The following ADAMTS18 variants were observed in gnomAD, a reference collection of about 807,000 sequenced individuals.
ADAMTS18 encodes ADAM metallopeptidase with thrombospondin type 1 motif 18, also known as A disintegrin and metalloproteinase with thrombospondin motifs 18.
Under a neutral mutation model 165.9 loss-of-function variants are expected in ADAMTS18, and 157 were observed. The ratio of observed to expected loss-of-function variants is 0.95; its 90% CI spans 0.83 to 1.08. The LOEUF is 1.08. Ranked by LOEUF, ADAMTS18 falls within the 50% of genes least tolerant of loss-of-function variation. The pLI is 0.00. For missense variants in ADAMTS18, 2,040 were observed against 1,534.0 expected, an observed-to-expected ratio of 1.33 and a Z score of -5.51; for synonymous variants, 782 against 578.2, an observed-to-expected ratio of 1.35 and a Z score of -5.06.
chr16:77,383,980 T>G (rs919214259), intron 3 of ADAMTS18, among the ~76,000 whole-genome samples: 1 of 152,096 alleles, frequency 6.6e-6, no homozygotes, highest in African/African-American at 2.4e-5. Flanking sequence ...CATAACAGCC[T>G]TTATCATGAC....
intron 3 of ADAMTS18, among the ~76,000 whole-genome samples, chr16:77,385,818 T>C (rs907642026): frequency 6.6e-6 from 1 of 152,168 alleles, no homozygotes; most frequent in African/African-American, 2.4e-5. Context: ...CAATTTTTTC[T>C]CAGTTATTTA....
chr16:77,428,116 T>C (rs1399102510), intron 3 of ADAMTS18, among the ~76,000 whole-genome samples: 1 of 152,264 alleles, frequency 6.6e-6, no homozygotes, highest in East Asian at 1.9e-4. Flanking sequence ...CTAAGGCCAG[T>C]GGTCTGGCCC....
intron 21 of ADAMTS18, among the ~76,000 whole-genome samples, chr16:77,290,125 C>G (rs1419543435): frequency 1.3e-5 from 2 of 152,048 alleles, no homozygotes; most frequent in African/African-American, 4.8e-5. Context: ...ACTGTAGTTT[C>G]TGTCTCAATT....
intron 20 of ADAMTS18, 66 bp from the exon 21 acceptor site, chr16:77,291,544 G>C: frequency 6.6e-7 from 1 of 1,513,284 alleles, no homozygotes; most frequent in Non-Finnish European, 9.2e-7. Context: ...GACAGAGGCA[G>C]TTTGACATAA....
intron 5 of ADAMTS18, 80 bp downstream of exon 5, chr16:77,364,108 T>C: frequency 1.3e-6 from 2 of 1,561,538 alleles, no homozygotes; most frequent in East Asian, 4.5e-5. Flanking sequence ...CTAATACACC[T>C]GCTATTCAAC....
intron 16 of ADAMTS18, among the ~76,000 whole-genome samples, chr16:77,302,222 C>T (rs1050411489): frequency 7.9e-5 from 12 of 152,090 alleles, no homozygotes; most frequent in African/African-American, 2.9e-4. Flanking sequence ...CAGTTTTATT[C>T]ATGGTCAAAC....
At chr16:77,349,856 T>C (rs1484610277) in intron 10 of ADAMTS18, among the ~76,000 whole-genome samples, 1 of 152,160 alleles carries the variant, frequency 6.6e-6, no homozygotes, top group Non-Finnish European at 1.5e-5. Context: ...TCACAAGAAT[T>C]TAAATATCTT....
chr16:77,311,665 A>G (rs2144617377), intron 16 of ADAMTS18, among the ~76,000 whole-genome samples: 1 of 151,982 alleles, frequency 6.6e-6, no homozygotes, highest in East Asian at 1.9e-4. Flanking sequence ...AAATTATTTG[A>G]AAAGATATCA....
intron 12 of ADAMTS18, among the ~76,000 whole-genome samples, chr16:77,326,643 A>C (rs1597126112): frequency 6.6e-6 from 1 of 152,198 alleles, no homozygotes; most frequent in Non-Finnish European, 1.5e-5. Flanking sequence ...TCAGGCTCCC[A>C]AAGTGTGGGG....
At chr16:77,311,700 G>GGTTTTTTTTTTTTTTTTT (rs141522765) in intron 16 of ADAMTS18, among the ~76,000 whole-genome samples, 3 of 94,232 alleles carry the variant, frequency 3.2e-5, no homozygotes, top group Non-Finnish European at 4.9e-5. Flanking sequence ...GATTACTGGA[G>GGTTTTTTTTTTTTTTTTT]TTTTCTTTTT....
At chr16:77,418,006 G>A (rs569164858) in intron 3 of ADAMTS18, among the ~76,000 whole-genome samples, 2 of 152,166 alleles carry the variant, frequency 1.3e-5, no homozygotes. Context: ...CATCCACGTG[G>A]TTAGGCCCCT....
At chr16:77,347,880 T>C (rs2056500602) in intron 10 of ADAMTS18, among the ~76,000 whole-genome samples, 1 of 152,192 alleles carries the variant, frequency 6.6e-6, no homozygotes, top group African/African-American at 2.4e-5. Flanking sequence ...TAGTAAAACA[T>C]TTATTTTTAT....
intron 3 of ADAMTS18, among the ~76,000 whole-genome samples, chr16:77,399,605 G>C (rs146781436): frequency 7.0e-4 from 107 of 152,260 alleles, no homozygotes; most frequent in Admixed American, 1.4e-3. Context: ...CTGACCTTTT[G>C]CTGTTTCAAT....
rs137987040 is a variant in ADAMTS18 at position 77,292,920 on chromosome 16, C to T, written c.3189+156G>A. On this transcript the variant is annotated intron_variant, in intron 20 of 22. Coordinates refer to ENST00000282849, the MANE Select transcript of ADAMTS18 (RefSeq NM_199355.4). ...CTGCAAACTCCGCCTCCTGGGTTCA[C>T]GCCATGCTCCTGCCTCAGCCTCCCC... 242 of 794,290 alleles carry T rather than the reference C, an allele frequency of 3.0e-4. No individual in the cohort carries two copies. In the African/African-American group the frequency reaches 3.5e-3, roughly 11 times the overall value. The allele number at this position is 794,290 out of a possible 1,614,324, so 49.2% of individuals were successfully genotyped here. A position where few individuals can be genotyped will look rare whatever the true frequency, so the allele number is the denominator to read the frequency against.
At chr16:77,373,571 G>C (rs2056907619) in intron 3 of ADAMTS18, among the ~76,000 whole-genome samples, 2 of 152,132 alleles carry the variant, frequency 1.3e-5, no homozygotes, top group South Asian at 2.1e-4. Context: ...GAAAGAGTAG[G>C]AGTGGAGATG....
At chr16:77,355,586 C>T (rs527639267) in intron 9 of ADAMTS18, among the ~76,000 whole-genome samples, 1 of 152,232 alleles carries the variant, frequency 6.6e-6, no homozygotes, top group South Asian at 2.1e-4. Context: ...GAGTAGAGAT[C>T]CTAGAGTCAG....
intron 16 of ADAMTS18, among the ~76,000 whole-genome samples, chr16:77,318,469 C>A (rs2055927256): frequency 6.6e-6 from 1 of 152,178 alleles, no homozygotes; most frequent in African/African-American, 2.4e-5. Context: ...TCGGTTTTCT[C>A]ATCTGTACAA....
In ADAMTS18 at chr16:77,323,773, G is replaced by C. The variant is rs571754934; in HGVS notation, c.2033-1307C>G. ...TATAAGTATCAAAAGGAGACAAGGA[G>C]AGACTAGAAAGCCTTAACGTTTCTG... On this transcript the variant is annotated intron_variant, in intron 13 of 22. Transcript: ENST00000282849. Among the ~76,000 whole-genome samples, 6 of 152,286 alleles carry C rather than the reference G, an allele frequency of 3.9e-5. No homozygotes were observed. The South Asian group carries it at 8.3e-4, about 21-fold the overall frequency.
intron 3 of ADAMTS18, among the ~76,000 whole-genome samples, chr16:77,369,394 T>C (rs1836922162): frequency 6.6e-6 from 1 of 152,246 alleles, no homozygotes; most frequent in Admixed American, 6.5e-5. Context: ...GTTTAGTTTG[T>C]TGTTATTTTT....
Sources: allele counts gnomAD v4.1 joint callset (sites outside exome capture counted in the v4.1 genomes callset), GRCh38; gene constraint gnomAD v4.1.1; transcripts MANE v1.5; gene names NCBI Gene and HGNC (gene_info 2026-07-23, HGNC 2026-07-21).